PLCG1: variants seen among roughly 807,000 people sequenced by gnomAD.
PLCG1 encodes phospholipase C gamma 1.
Under a neutral mutation model 177.8 loss-of-function variants are expected in PLCG1, and 71 were observed. The ratio of observed to expected loss-of-function variants is 0.40; its 90% CI spans 0.33 to 0.49. The LOEUF is 0.49. Among genes scored for constraint, PLCG1 ranks in the 20% least tolerant of loss-of-function variants. PLCG1 has a pLI of 0.72. For synonymous variants in PLCG1, 658 were observed against 647.9 expected, an observed-to-expected ratio of 1.02 and a Z score of -0.24; for missense variants, 1,281 against 1,709.0, an observed-to-expected ratio of 0.75 and a Z score of 4.42.
chr20:41,140,619 G>T (rs2034792519), intron 1 of PLCG1, among the ~76,000 whole-genome samples: 1 of 152,176 alleles, frequency 6.6e-6, no homozygotes, highest in African/African-American at 2.4e-5. Flanking sequence ...GTCAGCAGTT[G>T]TGAAATGGAG....
chr20:41,169,406 C>T, intron 22 of PLCG1, 51 bp from the exon 23 acceptor site: 3 of 1,377,306 alleles, frequency 2.2e-6, no homozygotes, highest in Non-Finnish European at 2.1e-6. Flanking sequence ...TATCCCCTCA[C>T]ACACATATGC....
chr20:41,169,078 G>C lies in PLCG1; in HGVS notation c.2484-1G>C. The C allele has an allele frequency of 6.2e-7, 1 of 1,612,752 alleles. No homozygotes were observed. The highest frequency in any genetic ancestry group is 1.1e-5 in the South Asian group (1 of 91,060). ...AGGTCAGCACCCTGTGGCTCCCACA[G>C]GTGGCGAGGGGACTACGGAGGGAAG... On this transcript the variant is annotated splice_acceptor_variant, in intron 21 of 31. Coordinates refer to ENST00000685551, the MANE Select transcript of PLCG1 (RefSeq NM_002660.3). LOFTEE classifies it high-confidence loss of function.
intron 24 of PLCG1, chr20:41,170,818 G>A (rs751039301): frequency 2.6e-5 from 4 of 152,888 alleles, no homozygotes; most frequent in Admixed American, 6.5e-5. Flanking sequence ...GCCCTTGTGA[G>A]ACTTTTGAGC....
rs1295004952 is a variant in PLCG1 at position 41,163,397 on chromosome 20, G to A, written c.809G>A (p.Arg270His). 13 of 1,612,906 alleles carry A rather than the reference G, an allele frequency of 8.1e-6. No individual in the cohort carries two copies. Among genetic ancestry groups the A allele is most frequent in the Middle Eastern group, 1.6e-4 (1 of 6,062 alleles). The stretch of plus-strand genomic sequence containing the variant: ...CATCAGGAGCTGTGGGCTGTTGATC[G>A]CCTCCAGGTGCAGGAGTTCATGCTC... ...DYQGELWAVD[R>H]LQVQEFMLSF... Residue 270 changes from arginine (R) to histidine (H), a missense_variant, in exon 9 of 32, where the codon CGC (arginine) becomes CAC (histidine). By Grantham distance (29) the Arg-to-His change is conservative. This residue lies in a region of PLCG1 where 374 missense variants were observed against 443.8 expected (regional missense o/e 0.84). Transcript: ENST00000685551. The surrounding 1 kb of genome is among the most constrained non-coding windows in gnomAD (Gnocchi z 5.2).
At position 41,172,962 on chromosome 20, in the gene PLCG1, G is replaced by T. The variant is rs1324692924; in HGVS notation, c.3279+85G>T. On this transcript the variant is annotated intron_variant, in intron 27 of 31. Transcript: ENST00000685551. The surrounding 1 kb of genome is among the most constrained non-coding windows in gnomAD (Gnocchi z 7.0). ...TTTATGTTGAGTTCTCCAAAAGTAG[G>T]TATTTTCAGGCATCAAGGTGGTCAG... is the stretch of plus-strand genomic sequence containing the variant. The T allele has an allele frequency of 1.8e-5, 26 of 1,430,714 alleles. No individual in the cohort carries two copies. In the East Asian group the frequency reaches 5.5e-4, roughly 30 times the overall value. The allele number at this position is 1,430,714 out of a possible 1,614,324, so 88.6% of individuals were successfully genotyped here.
At position 41,157,204 on chromosome 20, in the gene PLCG1, C is replaced by CTGTGTGTGTGTGTGTGTGTGTGTGTG. The variant is rs35980938; in HGVS notation, c.218-2390_218-2365dup. 1.7e-4 allele frequency among the ~76,000 whole-genome samples: 24 copies of CTGTGTGTGTGTGTGTGTGTGTGTGTG among 144,032 alleles called. 1 individual carries two copies. The highest frequency in any genetic ancestry group is 6.4e-4 in the African/African-American group (24 of 37,326). The allele number at this position is 144,032 out of a possible 152,430, so 94.5% of individuals were successfully genotyped here. ...GTGCAGGAGTGCAGGCCTGTTGACT[C>CTGTGTGTGTGTGTGTGTGTGTGTGTG]TGTGTGTGTGTGTGTGTGTGTGTGT... On this transcript the variant is annotated intron_variant, in intron 1 of 31. Transcript: ENST00000685551. This position sits in a 1 kb window ranked among gnomAD's most constrained non-coding sequence, Gnocchi z 5.4.
chr20:41,164,863 A>C lies in PLCG1; in HGVS notation c.1218-70A>C. 6.7e-7 allele frequency: 1 copy of C among 1,484,916 alleles called. No homozygotes were observed. The highest frequency in any genetic ancestry group is 9.2e-7 in the Non-Finnish European group (1 of 1,086,044). 92.0% of individuals were successfully genotyped at this position (1,484,916 alleles called of 1,614,324 possible). A position where few individuals can be genotyped will look rare whatever the true frequency, so the allele number is the denominator to read the frequency against. On this transcript the variant is annotated intron_variant, in intron 12 of 31. Transcript: ENST00000685551. This position sits in a 1 kb window ranked among gnomAD's most constrained non-coding sequence, Gnocchi z 6.4. Reference sequence around the variant, plus strand: ...CCAGGCCCTTGGCTTCCAACAGCTCACTGTGAGGGGCTACTTAGACCCAGA... The same window carrying C: ...CCAGGCCCTTGGCTTCCAACAGCTCCCTGTGAGGGGCTACTTAGACCCAGA...
chr20:41,171,692 G>T (rs1191403654), intron 24 of PLCG1, among the ~76,000 whole-genome samples: 1 of 151,670 alleles, frequency 6.6e-6, no homozygotes, highest in African/African-American at 2.4e-5. Context: ...ATGGAGATTT[G>T]CCATGAAGAG....
In PLCG1 at chr20:41,173,334, C is replaced by G. The variant is rs1160876081; in HGVS notation, c.3280-86C>G. ...CCCAGCAGAGGGCGCGCTGCCTCCA[C>G]TCCACAGATGCTGACTGAGCCTCCG... On this transcript the variant is annotated intron_variant, in intron 27 of 31. Coordinates refer to ENST00000685551, the MANE Select transcript of PLCG1 (RefSeq NM_002660.3). This position sits in a 1 kb window ranked among gnomAD's most constrained non-coding sequence, Gnocchi z 6.2. The G allele has an allele frequency of 7.1e-7, 1 of 1,402,638 alleles. No individual in the cohort carries two copies. Among genetic ancestry groups the G allele is most frequent in the Non-Finnish European group, 9.5e-7 (1 of 1,051,208 alleles). The allele number at this position is 1,402,638 out of a possible 1,614,324, so 86.9% of individuals were successfully genotyped here. A position where few individuals can be genotyped will look rare whatever the true frequency, so the allele number is the denominator to read the frequency against.
intron 1 of PLCG1, among the ~76,000 whole-genome samples, chr20:41,154,228 A>G (rs2035250534): frequency 6.6e-6 from 1 of 152,200 alleles, no homozygotes; most frequent in African/African-American, 2.4e-5. Flanking sequence ...TAACAGGCTT[A>G]TAAATTTGGG....
intron 4 of PLCG1, among the ~76,000 whole-genome samples, chr20:41,161,177 G>A (rs1009187934): frequency 6.6e-6 from 1 of 152,154 alleles, no homozygotes; most frequent in South Asian, 2.1e-4. Context: ...GGAGGGGTCA[G>A]GGACAACTAG....
At position 41,173,670 on chromosome 20, in the gene PLCG1, C is replaced by T. The variant is rs1482562318; in HGVS notation, c.3413C>T (p.Pro1138Leu). The T allele has an allele frequency of 6.2e-7, 1 of 1,614,218 alleles. No homozygotes were observed. The highest frequency in any genetic ancestry group is 8.5e-7 in the Non-Finnish European group (1 of 1,180,040). The change falls in exon 29 of 32, where the codon CCT (proline) becomes CTT (leucine). Residue 1138 changes from proline (P) to leucine (L), a missense_variant. Transcript: ENST00000685551. The surrounding 1 kb of genome is among the most constrained non-coding windows in gnomAD (Gnocchi z 6.2). The part of the protein sequence containing the change: ...TEFVVDNGLN[P>L]VWPAKPFHFQ... Reference sequence around the variant, plus strand: ...TTCACAGTGGACAATGGACTCAACCCTGTATGGCCAGCCAAGCCCTTCCAC... The same window carrying T: ...TTCACAGTGGACAATGGACTCAACCTTGTATGGCCAGCCAAGCCCTTCCAC...
Position 41,167,734 on chromosome 20 carries a change from G to A in PLCG1, c.2302-118G>A, listed in dbSNP as rs1361555874. 1 of 724,760 alleles carries A rather than the reference G, an allele frequency of 1.4e-6. No individual in the cohort carries two copies. The highest frequency in any genetic ancestry group is 2.1e-5 in the Admixed American group (1 of 47,866). The allele number at this position is 724,760 out of a possible 1,614,324, so 44.9% of individuals were successfully genotyped here. ...TCTCTACTGAGGTCGAAGGATCCCT[G>A]TGGATCAGGTGCAAGTTTGCTGCAC... On this transcript the variant is annotated intron_variant, in intron 19 of 31. Transcript: ENST00000685551. The surrounding 1 kb of genome is among the most constrained non-coding windows in gnomAD (Gnocchi z 4.4).
intron 1 of PLCG1, among the ~76,000 whole-genome samples, chr20:41,158,240 G>A (rs2035383540): frequency 6.6e-6 from 1 of 152,150 alleles, no homozygotes; most frequent in East Asian, 1.9e-4. Flanking sequence ...TTCCAGGCAG[G>A]TTGGTGTGCA....
rs901732826 is a variant in PLCG1, at chr20:41,151,050, C to T, written c.218-8556C>T. On this transcript the variant is annotated intron_variant, in intron 1 of 31. Transcript: ENST00000685551. This position sits in a 1 kb window ranked among gnomAD's most constrained non-coding sequence, Gnocchi z 5.5. ...TGATGGAATGAATGACTGCATAAGC[C>T]GAATAGATCACTGCTGAGTGCTCTT... Among the ~76,000 whole-genome samples, 1 of 152,198 alleles carries T rather than the reference C, an allele frequency of 6.6e-6. No homozygotes were observed. The highest frequency in any genetic ancestry group is 1.5e-5 in the Non-Finnish European group (1 of 68,040).
intron 1 of PLCG1, among the ~76,000 whole-genome samples, chr20:41,155,132 C>T (rs563494829): frequency 5.9e-4 from 90 of 152,292 alleles, no homozygotes; most frequent in Non-Finnish European, 1.8e-4. Context: ...TCCCTGGCCT[C>T]GTCATATAAC....
chr20:41,171,219 A>G (rs770815567), intron 24 of PLCG1, among the ~76,000 whole-genome samples: 2 of 152,132 alleles, frequency 1.3e-5, no homozygotes, highest in Non-Finnish European at 2.9e-5. Flanking sequence ...CCTAGAAGGA[A>G]AAGGTGCTGG....
At chr20:41,141,674 G>GT in intron 1 of PLCG1, among the ~76,000 whole-genome samples, 1 of 152,368 alleles carries the variant, frequency 6.6e-6, no homozygotes, top group East Asian at 1.9e-4. Context: ...GTCTGATGTA[G>GT]TTTTTTCCAA....
At chr20:41,139,275 G>T (rs548754632) in intron 1 of PLCG1, among the ~76,000 whole-genome samples, 1 of 152,314 alleles carries the variant, frequency 6.6e-6, no homozygotes, top group East Asian at 1.9e-4. Flanking sequence ...TTGAGAGCCT[G>T]TGGATTCCAA....
Sources: gnomAD v4.1 joint callset for allele counts (sites outside exome capture counted in the v4.1 genomes callset) on GRCh38, gnomAD v4.1.1 for gene constraint, gnomAD v4.1.1 regional missense constraint, Gnocchi (gnomAD v3.1) non-coding constraint, MANE v1.5 for transcripts, NCBI Gene and HGNC (gene_info 2026-07-23, HGNC 2026-07-21) for gene names.